TACC2: variants seen among roughly 807,000 people sequenced by gnomAD.
TACC2 encodes the protein transforming acidic coiled-coil containing protein 2.
Under a neutral mutation model 227.3 loss-of-function variants are expected in TACC2, and 137 were observed. That is an observed-to-expected ratio of 0.60 (90% CI 0.52 to 0.69). The LOEUF is 0.69. Among genes scored for constraint, TACC2 ranks in the 30% least tolerant of loss-of-function variants. The probability of loss-of-function intolerance (pLI) is 0.00; values close to 1 mark genes in which losing one functional copy is unlikely to be tolerated. For synonymous variants in TACC2, 1,523 were observed against 1,487.5 expected (o/e 1.02, Z -0.55); for missense variants, 3,470 against 3,694.4 (o/e 0.94, Z 1.57).
intron 16 of TACC2, among the ~76,000 whole-genome samples, chr10:122,232,622 C>T (rs2095779764): frequency 6.6e-6 from 1 of 152,134 alleles, no homozygotes; most frequent in South Asian, 2.1e-4. Context: ...TTTTCTCTAG[C>T]AGAGTAACTT....
At position 122,226,462 on chromosome 10, in the gene TACC2, T is replaced by G. The variant is rs543630960; in HGVS notation, c.7705T>G (p.Ser2569Ala). 1.2e-6 allele frequency: 2 copies of G among 1,613,578 alleles called. No homozygotes were observed. The highest frequency in any genetic ancestry group is 4.5e-5 in the East Asian group (2 of 44,856). ...GTCATCTCCCGTCCGCATGTCAGAG[T>G]CCCCGACGCCGTGTTCAGGGTATGA... ...VKSSPVRMSE[S>A]PTPCSGSSFE... The change falls in exon 13 of 23, where the codon TCC becomes GCC. Residue 2569 changes from serine to alanine, a missense_variant. Transcript: ENST00000369005.
intron 2 of TACC2, chr10:122,022,985 G>A (rs1010688961): frequency 2.0e-5 from 3 of 152,164 alleles, no homozygotes; most frequent in Admixed American, 6.5e-5. Flanking sequence ...TTCCTTGAAC[G>A]AGAAAACTGG....
chr10:122,049,539 G>A (rs1393394339), intron 2 of TACC2, among the ~76,000 whole-genome samples: 1 of 152,172 alleles, frequency 6.6e-6, no homozygotes, highest in Non-Finnish European at 1.5e-5. Context: ...AACTGTTCTT[G>A]AAAGAAGGCA....
Position 122,045,308 on chromosome 10 carries a change from T to C in TACC2, c.34-5130T>C, listed in dbSNP as rs149312222. 4.6e-4 allele frequency among the ~76,000 whole-genome samples: 70 copies of C among 152,294 alleles called. No individual in the cohort carries two copies. The East Asian group carries it at 9.5e-3, about 21-fold the overall frequency. ...CATAGCAGCAAAATGGCAGAGGCCA[T>C]AGAGCAACGAATTCCACTGTATGGC... On this transcript the variant is annotated intron_variant, in intron 2 of 22. Transcript: ENST00000369005.
At chr10:122,019,632 A>C (rs1957093603) in intron 1 of TACC2, 1 of 152,266 alleles carries the variant, frequency 6.6e-6, no homozygotes, top group South Asian at 2.1e-4. Flanking sequence ...CCTGAAACTG[A>C]CGGGCTGGGA....
intron 4 of TACC2, among the ~76,000 whole-genome samples, 186 bp downstream of exon 4, chr10:122,088,145 ATGGT>A (rs1437240920): frequency 6.6e-6 from 1 of 152,188 alleles, no homozygotes; most frequent in East Asian, 1.9e-4. Flanking sequence ...TGTGAGAACC[ATGGT>A]TGGAGGCTGG....
chr10:122,164,121 C>T (rs2093002401), intron 7 of TACC2: 1 of 1,126,018 alleles, frequency 8.9e-7, no homozygotes, highest in Non-Finnish European at 1.3e-6. Context: ...TCTTCGCAGC[C>T]TTGGAAAGCT....
chr10:122,032,972 A>AAAC (rs5788528), intron 2 of TACC2: 152,833 of 460,032 alleles, frequency 0.33, 25,401 homozygotes, highest in African/African-American at 0.44. Context: ...CAAAACAACA[A>AAAC]AACAACAACA....
chr10:122,048,430 T>TCCC (rs1565156397), intron 2 of TACC2, among the ~76,000 whole-genome samples: 1 of 109,556 alleles, frequency 9.1e-6, no homozygotes, highest in Non-Finnish European at 2.0e-5. Context: ...CCTTCCCTCC[T>TCCC]TGCTTCCTCC....
At chr10:122,186,098 T>A (rs2094180179) in intron 7 of TACC2, among the ~76,000 whole-genome samples, 1 of 151,900 alleles carries the variant, frequency 6.6e-6, no homozygotes, top group African/African-American at 2.4e-5. Flanking sequence ...CTGGCTAATT[T>A]TTGTATTTTT....
At chr10:122,122,466 C>G (rs2086019213) in intron 5 of TACC2, among the ~76,000 whole-genome samples, 1 of 150,438 alleles carries the variant, frequency 6.6e-6, no homozygotes, top group South Asian at 2.1e-4. Flanking sequence ...ATATAAGTAA[C>G]TAAGTATTTT....
chr10:122,103,184 G>T (rs1428204693), intron 5 of TACC2, among the ~76,000 whole-genome samples: 1 of 152,118 alleles, frequency 6.6e-6, no homozygotes, highest in Non-Finnish European at 1.5e-5. Flanking sequence ...ATATGGCTGG[G>T]TTCCTCATGT....
chr10:122,088,403 T>C (rs2080325633), intron 4 of TACC2, 75 bp from the exon 5 acceptor site: 1 of 1,367,736 alleles, frequency 7.3e-7, no homozygotes, highest in Non-Finnish European at 9.8e-7. Context: ...AGAAATCTGC[T>C]TTTTCAATAG....
chr10:122,108,915 A>G (rs542545187), intron 5 of TACC2, among the ~76,000 whole-genome samples: 16 of 151,694 alleles, frequency 1.1e-4, no homozygotes, highest in Non-Finnish European at 2.2e-4. Flanking sequence ...TTGTATTTTT[A>G]GTAGAGATGG....
chr10:122,144,238 A>T (rs909620452), intron 7 of TACC2, among the ~76,000 whole-genome samples: 2 of 152,138 alleles, frequency 1.3e-5, no homozygotes, highest in Non-Finnish European at 2.9e-5. Context: ...TATAGGAGGT[A>T]ATCAGCTTTA....
chr10:122,123,441 G>T (rs10887082), intron 5 of TACC2, among the ~76,000 whole-genome samples: 46,239 of 152,062 alleles, frequency 0.3, 8,325 homozygotes, highest in South Asian at 0.42. Context: ...AAAGCACAAT[G>T]TGCTTACCCC....
chr10:122,163,089 G>C (rs1434175024), intron 7 of TACC2, among the ~76,000 whole-genome samples: 3 of 152,072 alleles, frequency 2.0e-5, no homozygotes, highest in Non-Finnish European at 4.4e-5. Context: ...CTGGCTGTGA[G>C]GGGAGAGCCA....
intron 1 of TACC2, among the ~76,000 whole-genome samples, chr10:122,006,527 ATCT>A (rs1447592906): frequency 2.6e-5 from 4 of 152,132 alleles, no homozygotes; most frequent in Non-Finnish European, 5.9e-5. Context: ...AAGTTTTTAG[ATCT>A]TCTTGTCTGG....
At chr10:122,213,424 T>A in intron 9 of TACC2, 1 of 1,598,306 alleles carries the variant, frequency 6.3e-7, no homozygotes, top group East Asian at 2.2e-5. Flanking sequence ...ATGTGCTTAT[T>A]TTTCTGCCTT....
Sources: gnomAD v4.1 joint callset for allele counts (sites outside exome capture counted in the v4.1 genomes callset) on GRCh38, gnomAD v4.1.1 for gene constraint, MANE v1.5 for transcripts, NCBI Gene and HGNC (gene_info 2026-07-23, HGNC 2026-07-21) for gene names.